Variants in THSD7B observed in about 807,000 individuals in gnomAD.
The protein encoded by THSD7B is thrombospondin type-1 domain-containing protein 7B.
In THSD7B, 138 loss-of-function variants were observed where a neutral mutation model predicts 213.6. The observed-to-expected ratio is 0.65, with a 90% CI of 0.56 to 0.74. THSD7B has a LOEUF of 0.74. Among genes scored for constraint, THSD7B ranks in the 30% least tolerant of loss-of-function variants. The pLI, the probability that THSD7B is intolerant of heterozygous loss-of-function variation, is 0.00. For synonymous variants in THSD7B, 742 were observed against 687.0 expected (o/e 1.08, Z -1.25); for missense variants, 1,931 against 1,991.5 (o/e 0.97, Z 0.58).
intron 17 of THSD7B, among the ~76,000 whole-genome samples, chr2:137,585,187 C>A (rs1329610024): frequency 6.6e-6 from 1 of 152,026 alleles, no homozygotes. Context: ...TGGTGATATC[C>A]TTTTTATCAT....
intron 15 of THSD7B, among the ~76,000 whole-genome samples, chr2:137,560,661 T>C (rs879827424): frequency 6.6e-6 from 1 of 152,074 alleles, no homozygotes; most frequent in Non-Finnish European, 1.5e-5. Context: ...TGTATACATA[T>C]GTAACAAACC....
chr2:137,303,906 C>G (rs1683676565), intron 12 of THSD7B, among the ~76,000 whole-genome samples: 1 of 150,660 alleles, frequency 6.6e-6, no homozygotes, highest in African/African-American at 2.4e-5. Context: ...TTTGCTGCAC[C>G]CATCAACCCA....
At chr2:137,182,615 T>C (rs1230819280) in intron 7 of THSD7B, among the ~76,000 whole-genome samples, 2 of 152,156 alleles carry the variant, frequency 1.3e-5, no homozygotes, top group Non-Finnish European at 2.9e-5. Context: ...CACTGGTCAG[T>C]TCTAAATCAA....
At chr2:136,800,517 A>G (rs1682157339) in intron 1 of THSD7B, among the ~76,000 whole-genome samples, 1 of 152,036 alleles carries the variant, frequency 6.6e-6, no homozygotes, top group East Asian at 1.9e-4. Context: ...TAGAAAACTT[A>G]AAACGGGCAA....
chr2:137,488,198 C>G (rs1183600152), intron 15 of THSD7B, among the ~76,000 whole-genome samples: 1 of 152,098 alleles, frequency 6.6e-6, no homozygotes, highest in African/African-American at 2.4e-5. Flanking sequence ...TCAACTGATA[C>G]TAGTTTTTAT....
intron 1 of THSD7B, among the ~76,000 whole-genome samples, chr2:136,779,228 G>GTGTGTGTT (rs1364720344): frequency 4.6e-5 from 7 of 151,386 alleles, no homozygotes; most frequent in African/African-American, 1.7e-4. Flanking sequence ...GTGTGTGTGT[G>GTGTGTGTT]TGTGTGTGTG....
At chr2:137,259,635 C>T (rs1049912662) in intron 10 of THSD7B, among the ~76,000 whole-genome samples, 1 of 152,044 alleles carries the variant, frequency 6.6e-6, no homozygotes, top group Non-Finnish European at 1.5e-5. Flanking sequence ...TGTATGTTGC[C>T]TGTTCAATCT....
intron 12 of THSD7B, among the ~76,000 whole-genome samples, chr2:137,277,899 C>T (rs1043383824): frequency 8.6e-5 from 13 of 152,030 alleles, no homozygotes; most frequent in African/African-American, 2.7e-4. Context: ...GAAAGTTCCT[C>T]CTTGTTCAAG....
At chr2:136,956,567 C>G (rs1320431921) in intron 2 of THSD7B, among the ~76,000 whole-genome samples, 2 of 146,532 alleles carry the variant, frequency 1.4e-5, no homozygotes, top group Non-Finnish European at 3.0e-5. Context: ...GCTCATGCTA[C>G]TGCCACTCTG....
At chr2:137,206,217 C>G (rs552398470) in intron 7 of THSD7B, among the ~76,000 whole-genome samples, 2 of 152,028 alleles carry the variant, frequency 1.3e-5, no homozygotes, top group Admixed American at 1.3e-4. Context: ...TGACACCTCC[C>G]TCAGAGGTAG....
intron 17 of THSD7B, among the ~76,000 whole-genome samples, chr2:137,610,229 G>A (rs955078858): frequency 4.6e-5 from 7 of 152,082 alleles, no homozygotes; most frequent in African/African-American, 4.8e-5. Context: ...TTTTACCCTA[G>A]GGTTTTTGAT....
intron 14 of THSD7B, among the ~76,000 whole-genome samples, chr2:137,421,518 G>A (rs977427454): frequency 3.9e-5 from 6 of 152,184 alleles, no homozygotes; most frequent in Non-Finnish European, 1.5e-5. Flanking sequence ...AGAGACAAGA[G>A]GGGCATGGGG....
intron 15 of THSD7B, chr2:137,452,105 T>C: frequency 2.2e-5 from 17 of 787,996 alleles, no homozygotes; most frequent in Non-Finnish European, 2.6e-5. Context: ...TAAGTTTTTA[T>C]AAAAGACATA....
chr2:136,936,965 TA>T (rs1684745004), intron 2 of THSD7B, among the ~76,000 whole-genome samples: 1 of 151,888 alleles, frequency 6.6e-6, no homozygotes, highest in African/African-American at 2.4e-5. Context: ...AATGTAAAAA[TA>T]AAAAAGATAT....
At chr2:137,410,936 G>A (rs2105011773) in intron 13 of THSD7B, among the ~76,000 whole-genome samples, 1 of 152,290 alleles carries the variant, frequency 6.6e-6, no homozygotes, top group Middle Eastern at 3.4e-3. Context: ...TTACAGCTGT[G>A]AAAAATGACA....
intron 1 of THSD7B, among the ~76,000 whole-genome samples, chr2:136,856,922 G>A (rs933052432): frequency 5.3e-5 from 8 of 152,188 alleles, no homozygotes; most frequent in African/African-American, 1.7e-4. Context: ...GAGAGAAAGT[G>A]ATCTAAGATT....
At chr2:136,948,073 C>G (rs1259517142) in intron 2 of THSD7B, among the ~76,000 whole-genome samples, 1 of 152,152 alleles carries the variant, frequency 6.6e-6, no homozygotes, top group Non-Finnish European at 1.5e-5. Context: ...AGCCTTATCA[C>G]TTAACAGATT....
intron 5 of THSD7B, among the ~76,000 whole-genome samples, chr2:137,136,035 A>T (rs959794293): frequency 1.1e-4 from 16 of 152,172 alleles, no homozygotes; most frequent in Non-Finnish European, 2.2e-4. Flanking sequence ...CATCATTATC[A>T]GCAAACTGAC....
chr2:137,298,356 T>C (rs977925589), intron 12 of THSD7B, among the ~76,000 whole-genome samples: 1 of 152,138 alleles, frequency 6.6e-6, no homozygotes, highest in African/African-American at 2.4e-5. Flanking sequence ...GTTAAAAGCA[T>C]TCTGTTTTAA....
Sources: allele counts gnomAD v4.1 joint callset (sites outside exome capture counted in the v4.1 genomes callset), GRCh38; gene constraint gnomAD v4.1.1; transcripts MANE v1.5; gene names NCBI Gene and HGNC (gene_info 2026-07-23, HGNC 2026-07-21).